ST8SIA1: variants seen among roughly 807,000 people sequenced by gnomAD.
The protein encoded by ST8SIA1 is alpha-N-acetylneuraminide alpha-2,8-sialyltransferase.
In ST8SIA1, 16 loss-of-function variants were observed where a neutral mutation model predicts 35.9. The observed-to-expected ratio is 0.45, with a 90% CI of 0.30 to 0.68. The LOEUF is 0.68. Among genes scored for constraint, ST8SIA1 ranks in the 30% least tolerant of loss-of-function variants. ST8SIA1 has a pLI of 0.09. For missense variants in ST8SIA1, 383 were observed against 453.6 expected (o/e 0.84, Z 1.41); for synonymous variants, 170 against 169.6 (o/e 1.00, Z -0.02).
intron 1 of ST8SIA1, among the ~76,000 whole-genome samples, chr12:22,301,661 G>A (rs1184877972): frequency 6.6e-6 from 1 of 152,156 alleles, no homozygotes; most frequent in African/African-American, 2.4e-5. Flanking sequence ...TGACTGGCAT[G>A]GTGTGCTTTC....
chr12:22,288,367 G>C (rs1015791510), intron 1 of ST8SIA1, among the ~76,000 whole-genome samples: 2 of 152,152 alleles, frequency 1.3e-5, no homozygotes. Context: ...CAAAGAGAAG[G>C]GGCTGCAGAA....
chr12:22,301,561 G>C (rs781454256), intron 1 of ST8SIA1, among the ~76,000 whole-genome samples: 2 of 151,960 alleles, frequency 1.3e-5, no homozygotes, highest in Non-Finnish European at 2.9e-5. Context: ...TTAACTTATG[G>C]CAATATAGTT....
chr12:22,300,298 G>A (rs1344564572), intron 1 of ST8SIA1, among the ~76,000 whole-genome samples: 1 of 152,096 alleles, frequency 6.6e-6, no homozygotes, highest in African/African-American at 2.4e-5. Context: ...AGAAATTAAA[G>A]CTATTCAACT....
intron 1 of ST8SIA1, among the ~76,000 whole-genome samples, chr12:22,292,006 T>G (rs1866182550): frequency 6.6e-6 from 1 of 152,136 alleles, no homozygotes; most frequent in Admixed American, 6.5e-5. Flanking sequence ...ATTAAATAAG[T>G]CAGGTCTTCA....
At chr12:22,280,435 G>C (rs945705947) in intron 2 of ST8SIA1, among the ~76,000 whole-genome samples, 1 of 152,150 alleles carries the variant, frequency 6.6e-6, no homozygotes, top group African/African-American at 2.4e-5. Context: ...TCAGGCCTAC[G>C]GGATGAGATG....
At chr12:22,251,861 AG>A (rs1865674139) in intron 3 of ST8SIA1, among the ~76,000 whole-genome samples, 1 of 152,198 alleles carries the variant, frequency 6.6e-6, no homozygotes, top group African/African-American at 2.4e-5. Flanking sequence ...GAAATCTTAA[AG>A]CAGAAAAATC....
At chr12:22,231,626 T>C (rs866641243) in intron 4 of ST8SIA1, among the ~76,000 whole-genome samples, 1 of 152,050 alleles carries the variant, frequency 6.6e-6, no homozygotes, top group African/African-American at 2.4e-5. Context: ...CAGGCTAGAG[T>C]GCAGTGGTGC....
intron 4 of ST8SIA1, among the ~76,000 whole-genome samples, chr12:22,208,647 G>A (rs1034655532): frequency 1.3e-5 from 2 of 152,098 alleles, no homozygotes; most frequent in African/African-American, 4.8e-5. Context: ...CATCATATGA[G>A]AGGTATAAAT....
chr12:22,282,648 C>T lies in ST8SIA1; in HGVS notation c.381+4501G>A, dbSNP rs146106914. Among the ~76,000 whole-genome samples the T allele has an allele frequency of 2.0e-5, 3 of 152,270 alleles. No homozygotes were observed. In the East Asian group the frequency reaches 5.8e-4, roughly 29 times the overall value. On this transcript the variant is annotated intron_variant, in intron 2 of 4. Transcript: ENST00000396037. ...TAGCCATCACTGAGCCCTAAACTAC[C>T]TACCCTCTAATTCTTTATTGCTTGA...
At chr12:22,215,536 C>T (rs1865225216) in intron 4 of ST8SIA1, among the ~76,000 whole-genome samples, 1 of 152,162 alleles carries the variant, frequency 6.6e-6, no homozygotes, top group Non-Finnish European at 1.5e-5. Context: ...GAGAGTGTTG[C>T]TGTTTTGTTT....
chr12:22,263,299 A>G (rs1438042390), intron 2 of ST8SIA1, among the ~76,000 whole-genome samples: 1 of 152,174 alleles, frequency 6.6e-6, no homozygotes, highest in Non-Finnish European at 1.5e-5. Context: ...CTCTTACCAT[A>G]CTTCACTGCT....
At chr12:22,222,850 C>A (rs1865315142) in intron 4 of ST8SIA1, among the ~76,000 whole-genome samples, 1 of 151,964 alleles carries the variant, frequency 6.6e-6, no homozygotes, top group South Asian at 2.1e-4. Context: ...CACATAAATA[C>A]ACAAATACCC....
At chr12:22,223,643 G>A in intron 4 of ST8SIA1, 1 of 1,146,950 alleles carries the variant, frequency 8.7e-7, no homozygotes, top group Non-Finnish European at 1.1e-6. Context: ...CAACGTGGCA[G>A]GGATTCTGAT....
intron 4 of ST8SIA1, among the ~76,000 whole-genome samples, chr12:22,218,510 C>T (rs1035273150): frequency 1.3e-5 from 2 of 151,010 alleles, no homozygotes; most frequent in Non-Finnish European, 2.9e-5. Context: ...CCCAGCTACT[C>T]GCGAAGCTGA....
intron 2 of ST8SIA1, among the ~76,000 whole-genome samples, chr12:22,282,827 T>C (rs1448093001): frequency 6.6e-6 from 1 of 152,104 alleles, no homozygotes; most frequent in Non-Finnish European, 1.5e-5. Flanking sequence ...CAAAAAGATA[T>C]ATGTCACGGG....
intron 1 of ST8SIA1, among the ~76,000 whole-genome samples, chr12:22,330,692 T>C (rs1317177748): frequency 2.0e-5 from 3 of 152,350 alleles, no homozygotes; most frequent in Middle Eastern, 3.4e-3. Flanking sequence ...GAGGATTAAA[T>C]GAGACAATAC....
rs1865031461 is a variant in ST8SIA1 at position 22,199,928 on chromosome 12, A to G, written c.*1624T>C. On this transcript the variant is annotated 3_prime_UTR_variant, in exon 5 of 5. Transcript: ENST00000396037. Reference sequence around the variant, plus strand: ...ATTTTAGCTTAAGACATTCCAAAGTATGAAGACAACGAGAGGCTTCCCTTA... The same window carrying G: ...ATTTTAGCTTAAGACATTCCAAAGTGTGAAGACAACGAGAGGCTTCCCTTA... 1 of 152,252 alleles carries G rather than the reference A, an allele frequency of 6.6e-6. No homozygotes were observed. The highest frequency in any genetic ancestry group is 1.5e-5 in the Non-Finnish European group (1 of 68,036). The allele number at this position is 152,252 out of a possible 1,614,324, so 9.4% of individuals were successfully genotyped here.
chr12:22,262,827 G>T (rs1362601), intron 2 of ST8SIA1, among the ~76,000 whole-genome samples: 2 of 151,944 alleles, frequency 1.3e-5, no homozygotes, highest in Admixed American at 6.6e-5. Context: ...TCATGCATTG[G>T]TATGAAATCA....
At chr12:22,329,303 T>A (rs527486593) in intron 1 of ST8SIA1, among the ~76,000 whole-genome samples, 18 of 152,272 alleles carry the variant, frequency 1.2e-4, no homozygotes, top group Admixed American at 7.2e-4. Context: ...TATCCTCATC[T>A]ATAAAACAAG....
Sources: allele counts gnomAD v4.1 joint callset (sites outside exome capture counted in the v4.1 genomes callset), GRCh38; gene constraint gnomAD v4.1.1; transcripts MANE v1.5; gene names NCBI Gene and HGNC (gene_info 2026-07-23, HGNC 2026-07-21).